Variants in PALLD observed in about 807,000 individuals in gnomAD.
PALLD encodes the protein palladin.
Under a neutral mutation model 123.5 loss-of-function variants are expected in PALLD, and 61 were observed. That is an observed-to-expected ratio of 0.49 (90% CI 0.40 to 0.61). The LOEUF (loss-of-function observed/expected upper bound fraction) is 0.61. Among genes scored for constraint, PALLD ranks in the 20% least tolerant of loss-of-function variants. The probability of loss-of-function intolerance (pLI) is 0.00; values close to 1 mark genes in which losing one functional copy is unlikely to be tolerated. For synonymous variants in PALLD, 465 were observed against 496.4 expected (o/e 0.94, Z 0.84); for missense variants, 1,273 against 1,377.0 (o/e 0.92, Z 1.20).
intron 2 of PALLD, among the ~76,000 whole-genome samples, chr4:168,589,266 G>C (rs1771162563): frequency 6.6e-6 from 1 of 152,184 alleles, no homozygotes; most frequent in Non-Finnish European, 1.5e-5. Flanking sequence ...CAGGCCGGGT[G>C]CTTGTCAGCT....
Position 168,898,691 on chromosome 4 carries a change from G to T in PALLD, c.2449G>T (p.Val817Leu). Reference sequence around the variant, plus strand: ...AATGCCAGTAACTTTCACATGTAGAGTGGCTGGAAATCCAAAGCCAAAGGT... The same window carrying T: ...AATGCCAGTAACTTTCACATGTAGATTGGCTGGAAATCCAAAGCCAAAGGT... The part of the protein sequence containing the change: ...EGMPVTFTCR[V>L]AGNPKPKIYW... Residue 817 changes from valine to leucine, a missense_variant, in exon 14 of 22, where the codon GTG becomes TTG. Around this residue, in one of 2 missense-constraint regions of PALLD, gnomAD observed 329 missense variants for 422.5 expected, o/e 0.78. Coordinates refer to ENST00000505667, the MANE Select transcript of PALLD (RefSeq NM_001166108.2). 1 of 1,613,752 alleles carries T rather than the reference G, an allele frequency of 6.2e-7. No homozygotes were observed. Among genetic ancestry groups the T allele is most frequent in the Non-Finnish European group, 8.5e-7 (1 of 1,179,626 alleles).
At chr4:168,682,545 G>GA (rs1453847257) in intron 4 of PALLD, among the ~76,000 whole-genome samples, 1 of 151,896 alleles carries the variant, frequency 6.6e-6, no homozygotes, top group African/African-American at 2.4e-5. Context: ...TTAGAAACCA[G>GA]AAAAAAGAAC....
intron 2 of PALLD, among the ~76,000 whole-genome samples, chr4:168,587,873 G>T (rs552575250): frequency 2.0e-5 from 3 of 152,066 alleles, no homozygotes; most frequent in Admixed American, 6.6e-5. Flanking sequence ...CGCTCTTCAG[G>T]GGGGTGCAGG....
At chr4:168,780,682 T>G (rs1265164797) in intron 10 of PALLD, among the ~76,000 whole-genome samples, 1 of 152,174 alleles carries the variant, frequency 6.6e-6, no homozygotes, top group Non-Finnish European at 1.5e-5. Flanking sequence ...GTTTTGGTTT[T>G]TTTGTTGTTG....
chr4:168,728,697 G>A (rs76239289), intron 10 of PALLD, among the ~76,000 whole-genome samples: 635 of 151,900 alleles, frequency 4.2e-3, no homozygotes, highest in African/African-American at 0.014. Context: ...CTTTTATTTC[G>A]TTTTAATTGT....
intron 10 of PALLD, among the ~76,000 whole-genome samples, chr4:168,731,177 C>T (rs1036843279): frequency 2.6e-5 from 4 of 152,188 alleles, no homozygotes; most frequent in African/African-American, 4.8e-5. Flanking sequence ...AAGTCAGTGA[C>T]AACTCATCCT....
At chr4:168,900,627 T>G (rs1050667487) in intron 14 of PALLD, among the ~76,000 whole-genome samples, 1 of 152,194 alleles carries the variant, frequency 6.6e-6, no homozygotes, top group African/African-American at 2.4e-5. Flanking sequence ...ATCATGTTCT[T>G]TTCTTAAAAC....
rs1386759541 is a variant in PALLD, at chr4:168,709,605, AGGGAG to A, written c.1621+461_1621+465del. On this transcript the variant is annotated intron_variant, in intron 9 of 21. Transcript: ENST00000505667. ...AAGGAAGGAAGGGAGGGAGGGAGGG[AGGGAG>A]GGAAGGAAGGAAGGAAGGAAGGAAG... 3.0e-3 allele frequency among the ~76,000 whole-genome samples: 3 copies of A among 998 alleles called. 1 individual carries two copies. Among genetic ancestry groups the A allele is most frequent in the African/African-American group, 5.5e-3 (3 of 548 alleles). 0.7% of individuals were successfully genotyped at this position (998 alleles called of 152,430 possible). A position where few individuals can be genotyped will look rare whatever the true frequency, so the allele number is the denominator to read the frequency against.
At chr4:168,880,711 T>C (rs1486302133) in intron 10 of PALLD, among the ~76,000 whole-genome samples, 7 of 152,246 alleles carry the variant, frequency 4.6e-5, no homozygotes, top group African/African-American at 1.7e-4. Context: ...AACTGCCAAG[T>C]TATCATAAGA....
chr4:168,843,978 G>C (rs1192317703), intron 10 of PALLD: 1 of 152,216 alleles, frequency 6.6e-6, no homozygotes, highest in African/African-American at 2.4e-5. Flanking sequence ...AAGAACTTTA[G>C]TGAAAGTGAA....
intron 3 of PALLD, among the ~76,000 whole-genome samples, chr4:168,674,042 A>G (rs2710826): frequency 0.34 from 51,663 of 151,638 alleles, 9,433 homozygotes; most frequent in African/African-American, 0.49. Context: ...AGCCTCCCAA[A>G]TAGCTGGGAC....
intron 1 of PALLD, among the ~76,000 whole-genome samples, chr4:168,509,936 A>G (rs1446131760): frequency 6.6e-6 from 1 of 152,170 alleles, no homozygotes; most frequent in Admixed American, 6.5e-5. Flanking sequence ...TGCATAATGT[A>G]TTTTGAAATT....
Position 168,917,704 on chromosome 4 carries a change from A to T in PALLD, c.2850+1677A>T, listed in dbSNP as rs186446281. On this transcript the variant is annotated intron_variant, in intron 17 of 21. Coordinates refer to ENST00000505667, the MANE Select transcript of PALLD (RefSeq NM_001166108.2). ...AAATCTGGGATTATAGAAATGTATA[A>T]AAAGAATAAATATAACAAAAATATT... Among the ~76,000 whole-genome samples the T allele has an allele frequency of 1.4e-4, 22 of 152,170 alleles. No homozygotes were observed. The East Asian group carries it at 3.5e-3, about 24-fold the overall frequency.
At chr4:168,738,887 T>A (rs772061776) in intron 10 of PALLD, among the ~76,000 whole-genome samples, 4 of 151,930 alleles carry the variant, frequency 2.6e-5, no homozygotes, top group African/African-American at 9.7e-5. Context: ...TTGAAAAAAA[T>A]AGTTAATTAT....
chr4:168,544,227 T>C (rs1765922399), intron 2 of PALLD, among the ~76,000 whole-genome samples: 1 of 152,272 alleles, frequency 6.6e-6, no homozygotes, highest in African/African-American at 2.4e-5. Flanking sequence ...TAGTTCTAAG[T>C]GCACATTTCT....
intron 10 of PALLD, among the ~76,000 whole-genome samples, chr4:168,783,046 ATGTGTGTG>A (rs150595576): frequency 9.1e-4 from 106 of 116,172 alleles, no homozygotes; most frequent in African/African-American, 2.8e-3. Flanking sequence ...TTATATATAT[ATGTGTGTG>A]TGTGTGTGTG....
chr4:168,920,359 T>C (rs1761198634), intron 17 of PALLD, among the ~76,000 whole-genome samples: 1 of 152,234 alleles, frequency 6.6e-6, no homozygotes, highest in African/African-American at 2.4e-5. Flanking sequence ...GGAGGCATCT[T>C]GCAGGTAATA....
chr4:168,639,800 A>G (rs189898190), intron 2 of PALLD, among the ~76,000 whole-genome samples: 2 of 152,028 alleles, frequency 1.3e-5, no homozygotes, highest in African/African-American at 2.4e-5. Flanking sequence ...CGCCTCGGCC[A>G]CCCAAAGTGC....
chr4:168,862,705 T>C (rs1484437965), intron 10 of PALLD, among the ~76,000 whole-genome samples: 4 of 152,064 alleles, frequency 2.6e-5, no homozygotes, highest in African/African-American at 9.7e-5. Context: ...TCAGCTGAAA[T>C]AAAAAGGGTT....
Sources: allele counts gnomAD v4.1 joint callset (sites outside exome capture counted in the v4.1 genomes callset), GRCh38; gene constraint gnomAD v4.1.1; regional missense constraint gnomAD v4.1.1; transcripts MANE v1.5; gene names NCBI Gene and HGNC (gene_info 2026-07-23, HGNC 2026-07-21).